NRXN3: variants seen among roughly 807,000 people sequenced by gnomAD.
NRXN3 encodes the protein neurexin 3, also known as neurexin III.
In NRXN3, 32 loss-of-function variants were observed where a neutral mutation model predicts 137.6. That is an observed-to-expected ratio of 0.23 (90% CI 0.18 to 0.31). The LOEUF (loss-of-function observed/expected upper bound fraction) is 0.31, where lower values mean the gene tolerates loss of function less well. Among genes scored for constraint, NRXN3 ranks in the 10% least tolerant of loss-of-function variants. NRXN3 has a pLI of 1.00. For missense variants in NRXN3, 1,574 were observed against 2,062.5 expected (o/e 0.76, Z 4.59); for synonymous variants, 798 against 784.5 (o/e 1.02, Z -0.29).
intron 15 of NRXN3, among the ~76,000 whole-genome samples, chr14:79,212,774 A>ATTAAAAAAAT (rs753566079): frequency 1.3e-4 from 20 of 151,534 alleles, no homozygotes; most frequent in Middle Eastern, 3.4e-3. Flanking sequence ...AGGCCTTCTC[A>ATTAAAAAAAT]GAGCCTTAAA....
intron 4 of NRXN3, among the ~76,000 whole-genome samples, chr14:78,605,402 T>C (rs1228611236): frequency 1.3e-5 from 2 of 152,182 alleles, no homozygotes; most frequent in Non-Finnish European, 2.9e-5. Flanking sequence ...GAGAAAGAAA[T>C]TCTATTTGAG....
chr14:78,763,977 C>T (rs925028313), intron 8 of NRXN3, among the ~76,000 whole-genome samples: 1 of 152,196 alleles, frequency 6.6e-6, no homozygotes, highest in African/African-American at 2.4e-5. Context: ...GACTGTGACA[C>T]TAGGTGATGA....
chr14:78,803,526 G>A, intron 8 of NRXN3, 94 bp from the exon 9 acceptor site: 2 of 1,121,490 alleles, frequency 1.8e-6, no homozygotes, highest in South Asian at 1.2e-5. Flanking sequence ...TACAAATCTG[G>A]CACCCTCTCT....
At chr14:79,694,314 A>G (rs1046283562) in intron 18 of NRXN3, among the ~76,000 whole-genome samples, 2 of 151,964 alleles carry the variant, frequency 1.3e-5, no homozygotes, top group Non-Finnish European at 2.9e-5. Context: ...TTTGTGCAAC[A>G]CTGACTGGAG....
chr14:79,352,696 A>G (rs2093267620), intron 15 of NRXN3, among the ~76,000 whole-genome samples: 1 of 152,122 alleles, frequency 6.6e-6, no homozygotes, highest in Non-Finnish European at 1.5e-5. Context: ...CAGCTAAGAT[A>G]TGTCTGATGC....
At chr14:79,635,580 T>G (rs1271983277) in intron 16 of NRXN3, among the ~76,000 whole-genome samples, 2 of 152,198 alleles carry the variant, frequency 1.3e-5, no homozygotes, top group Non-Finnish European at 2.9e-5. Context: ...TGTAGAATCC[T>G]TCCTTGCCTC....
chr14:78,224,423 C>G (rs547179424), intron 1 of NRXN3, among the ~76,000 whole-genome samples: 1 of 152,166 alleles, frequency 6.6e-6, no homozygotes, highest in East Asian at 1.9e-4. Context: ...TATCCCTCCC[C>G]ACTCGCCCCA....
intron 15 of NRXN3, among the ~76,000 whole-genome samples, chr14:79,406,540 C>T (rs2095316803): frequency 6.6e-6 from 1 of 151,934 alleles, no homozygotes; most frequent in Admixed American, 6.6e-5. Context: ...TAGGCTCAAG[C>T]AATTCACCCT....
intron 4 of NRXN3, among the ~76,000 whole-genome samples, chr14:78,617,455 A>T (rs2097357806): frequency 6.6e-6 from 1 of 152,194 alleles, no homozygotes; most frequent in African/African-American, 2.4e-5. Context: ...TTTATAGGAC[A>T]TGCTGTCCTG....
At chr14:78,567,145 A>G (rs554018757) in intron 4 of NRXN3, among the ~76,000 whole-genome samples, 1 of 152,294 alleles carries the variant, frequency 6.6e-6, no homozygotes, top group East Asian at 1.9e-4. Flanking sequence ...TGGGTCTTGA[A>G]GGGGCTGCAG....
chr14:79,009,739 C>T (rs950565848), intron 15 of NRXN3, among the ~76,000 whole-genome samples: 4 of 152,214 alleles, frequency 2.6e-5, no homozygotes, highest in African/African-American at 9.6e-5. Flanking sequence ...AAATAAGAAT[C>T]CTTCAGTCTC....
intron 4 of NRXN3, among the ~76,000 whole-genome samples, chr14:78,573,863 T>C (rs949633135): frequency 2.0e-5 from 3 of 152,038 alleles, no homozygotes; most frequent in Non-Finnish European, 4.4e-5. Flanking sequence ...ACCAAGACAG[T>C]GGGGAAAACG....
intron 6 of NRXN3, among the ~76,000 whole-genome samples, chr14:78,685,187 T>C (rs1468376951): frequency 1.3e-5 from 2 of 152,194 alleles, no homozygotes; most frequent in African/African-American, 4.8e-5. Context: ...GCTACCATCA[T>C]TTCTCATTGC....
chr14:79,029,811 A>G (rs915890826), intron 15 of NRXN3, among the ~76,000 whole-genome samples: 4 of 151,864 alleles, frequency 2.6e-5, no homozygotes, highest in Non-Finnish European at 4.4e-5. Flanking sequence ...TCTTTGGGGC[A>G]ATTGTATGGT....
At chr14:78,339,021 A>C (rs912570097) in intron 4 of NRXN3, among the ~76,000 whole-genome samples, 1 of 152,094 alleles carries the variant, frequency 6.6e-6, no homozygotes, top group African/African-American at 2.4e-5. Flanking sequence ...GGGGAATATT[A>C]TGGCCTCATT....
chr14:79,315,853 C>T (rs923921057), intron 15 of NRXN3, among the ~76,000 whole-genome samples: 1 of 152,160 alleles, frequency 6.6e-6, no homozygotes, highest in Non-Finnish European at 1.5e-5. Context: ...TTCAATGCTA[C>T]ACAAAGCTTT....
chr14:78,230,070 G>A (rs1261836353), intron 1 of NRXN3, among the ~76,000 whole-genome samples: 2 of 152,046 alleles, frequency 1.3e-5, no homozygotes, highest in African/African-American at 4.8e-5. Context: ...TGTCACCCAG[G>A]CTAGAGTGCA....
At chr14:78,236,739 C>CT (rs200229748) in intron 1 of NRXN3, among the ~76,000 whole-genome samples, 15 of 113,514 alleles carry the variant, frequency 1.3e-4, no homozygotes, top group Non-Finnish European at 2.0e-4. Flanking sequence ...TCCCCCCCCC[C>CT]TTTTTTTTGA....
chr14:79,733,165 G>A (rs1223320426), intron 19 of NRXN3, among the ~76,000 whole-genome samples: 7 of 152,168 alleles, frequency 4.6e-5, no homozygotes, highest in Non-Finnish European at 8.8e-5. Flanking sequence ...GGAAGTGACA[G>A]ACTCCATATT....
Sources: allele counts gnomAD v4.1 joint callset (sites outside exome capture counted in the v4.1 genomes callset), GRCh38; gene constraint gnomAD v4.1.1; transcripts MANE v1.5; gene names NCBI Gene and HGNC (gene_info 2026-07-23, HGNC 2026-07-21).